Variants in RFX4 observed in about 807,000 individuals in gnomAD.
The protein encoded by RFX4 is regulatory factor X4, also known as transcription factor RFX4.
Under a neutral mutation model 95.0 loss-of-function variants are expected in RFX4, and 10 were observed. That is an observed-to-expected ratio of 0.11 (90% CI 0.06 to 0.18). RFX4 has a LOEUF of 0.18. Ranked by LOEUF, RFX4 falls within the 10% of genes least tolerant of loss-of-function variation. The pLI is 1.00. For synonymous variants in RFX4, 321 were observed against 340.7 expected (o/e 0.94, Z 0.64); for missense variants, 640 against 922.0 (o/e 0.69, Z 3.96).
chr12:106,626,808 T>C lies in RFX4; in HGVS notation c.131-12524T>C, dbSNP rs557853084. ...TCTTTCAGAGACAGAATAAGTCAAA[T>C]GTAACCAAGAGGTGCTCAAGTCCTC... On this transcript the variant is annotated intron_variant, in intron 2 of 17. Coordinates refer to ENST00000392842, the MANE Select transcript of RFX4 (RefSeq NM_213594.3). 5.5e-4 allele frequency among the ~76,000 whole-genome samples: 84 copies of C among 152,284 alleles called. 1 individual carries two copies. Among genetic ancestry groups the C allele is most frequent in the African/African-American group, 1.9e-3 (78 of 41,558 alleles).
At chr12:106,746,463 T>A (rs1379150661) in intron 15 of RFX4, among the ~76,000 whole-genome samples, 1 of 150,746 alleles carries the variant, frequency 6.6e-6, no homozygotes, top group East Asian at 1.9e-4. Context: ...GCCCGGGAGG[T>A]CAAGGCTGCA....
chr12:106,735,295 T>C (rs1199005019), intron 15 of RFX4, among the ~76,000 whole-genome samples: 1 of 152,080 alleles, frequency 6.6e-6, no homozygotes, highest in Non-Finnish European at 1.5e-5. Context: ...GAAAAAGGAC[T>C]GATAAACTCA....
At chr12:106,645,573 A>G (rs1265510367) in intron 3 of RFX4, among the ~76,000 whole-genome samples, 1 of 152,326 alleles carries the variant, frequency 6.6e-6, no homozygotes, top group East Asian at 1.9e-4. Flanking sequence ...CAAGCTATCA[A>G]TATTCCAAAT....
chr12:106,680,769 G>T (rs972720891), intron 4 of RFX4: 1 of 152,128 alleles, frequency 6.6e-6, no homozygotes, highest in Non-Finnish European at 1.5e-5. Context: ...GGTAATAATG[G>T]GTAACATTTA....
intron 3 of RFX4, among the ~76,000 whole-genome samples, chr12:106,644,181 G>A (rs1319969946): frequency 6.6e-6 from 1 of 150,786 alleles, no homozygotes; most frequent in African/African-American, 2.4e-5. Flanking sequence ...TTTAACTGCA[G>A]CTCAGTGTTT....
Position 106,583,379 on chromosome 12 carries a change from G to T in RFX4, c.43+16G>T. ...GATTCCACAGGTTAGTCCTACTGGC[G>T]GGGTTGGGGGGATACATTGGGAGGG... On this transcript the variant is annotated intron_variant, in intron 1 of 17. Coordinates refer to ENST00000392842, the MANE Select transcript of RFX4 (RefSeq NM_213594.3). 1 of 1,554,762 alleles carries T rather than the reference G, an allele frequency of 6.4e-7. No homozygotes were observed. Among genetic ancestry groups the T allele is most frequent in the Non-Finnish European group, 8.6e-7 (1 of 1,157,592 alleles).
At chr12:106,664,129 T>C (rs1173731119) in intron 4 of RFX4, among the ~76,000 whole-genome samples, 1 of 151,870 alleles carries the variant, frequency 6.6e-6, no homozygotes, top group African/African-American at 2.4e-5. Flanking sequence ...TTGTAAAGAA[T>C]TGACAAAATT....
At chr12:106,760,058 T>C (rs981662977) in intron 17 of RFX4, among the ~76,000 whole-genome samples, 3 of 152,148 alleles carry the variant, frequency 2.0e-5, no homozygotes, top group Non-Finnish European at 4.4e-5. Context: ...AGCCTGTCTG[T>C]CTCCCTCACA....
In RFX4 at chr12:106,687,073, G is replaced by T; in HGVS notation, c.567G>T (p.Leu189=). The T allele has an allele frequency of 6.2e-7, 1 of 1,613,724 alleles. No individual in the cohort carries two copies. Among genetic ancestry groups the T allele is most frequent in the Non-Finnish European group, 8.5e-7 (1 of 1,179,948 alleles). The change falls in exon 6 of 18, where the codon CTG becomes CTT. Residue 189 remains leucine, a synonymous_variant. Coordinates refer to ENST00000392842, the MANE Select transcript of RFX4 (RefSeq NM_213594.3). The part of the protein sequence containing the change: ...PEFPNVKDLN[L]PASLPEEKVS... ...TTCCCAATGTCAAAGATCTAAATCT[G>T]CCAGCCAGCCTGCCTGAGGAGAAGG...
chr12:106,678,547 T>C (rs1260382031), intron 4 of RFX4, among the ~76,000 whole-genome samples: 2 of 152,220 alleles, frequency 1.3e-5, no homozygotes, highest in Non-Finnish European at 2.9e-5. Flanking sequence ...CTTCCAAGAT[T>C]ATCTTGAACT....
intron 17 of RFX4, among the ~76,000 whole-genome samples, chr12:106,751,854 A>T (rs1469216174): frequency 1.3e-5 from 2 of 151,276 alleles, no homozygotes; most frequent in Non-Finnish European, 2.9e-5. Context: ...GTCAGATGAG[A>T]AGGTTGCGAA....
intron 1 of RFX4, among the ~76,000 whole-genome samples, chr12:106,601,623 T>C (rs1592837335): frequency 1.3e-5 from 2 of 152,352 alleles, no homozygotes; most frequent in South Asian, 2.1e-4. Context: ...CCTGTTCTCA[T>C]CCAGTGCCTC....
intron 2 of RFX4, among the ~76,000 whole-genome samples, chr12:106,612,543 A>G (rs183476437): frequency 1.3e-5 from 2 of 152,314 alleles, no homozygotes; most frequent in East Asian, 1.9e-4. Context: ...TTTTCTACAT[A>G]TAAGATCATT....
At chr12:106,595,085 C>T (rs538810169) in intron 1 of RFX4, among the ~76,000 whole-genome samples, 70 of 152,254 alleles carry the variant, frequency 4.6e-4, no homozygotes, top group African/African-American at 1.7e-3. Context: ...AGGCACTGTG[C>T]TGAACACTTA....
intron 1 of RFX4, among the ~76,000 whole-genome samples, chr12:106,592,376 C>T (rs1339255378): frequency 2.0e-5 from 3 of 151,868 alleles, no homozygotes; most frequent in Non-Finnish European, 4.4e-5. Context: ...TTTTATATGC[C>T]CCTGTTTGCC....
chr12:106,629,007 C>T (rs949826582), intron 2 of RFX4, among the ~76,000 whole-genome samples: 2 of 152,116 alleles, frequency 1.3e-5, no homozygotes, highest in African/African-American at 4.8e-5. Flanking sequence ...GATCCACTGG[C>T]CTTGGCCTCC....
chr12:106,638,877 C>A (rs1323842472), intron 2 of RFX4, among the ~76,000 whole-genome samples: 3 of 152,188 alleles, frequency 2.0e-5, no homozygotes, highest in Non-Finnish European at 4.4e-5. Flanking sequence ...CTGATCACTT[C>A]CTAAAGGCCC....
At position 106,644,496 on chromosome 12, in the gene RFX4, G is replaced by A. The variant is rs149649919; in HGVS notation, c.191+5104G>A. 3.0e-3 allele frequency among the ~76,000 whole-genome samples: 460 copies of A among 152,290 alleles called. 2 individuals are homozygous for A. Among genetic ancestry groups the A allele is most frequent in the Non-Finnish European group, 5.4e-3 (365 of 68,012 alleles). ...GATCCACCGGCCTCAGCCTCCCAAA[G>A]TGTTGGGATTACAGGCATGAGCCAC... On this transcript the variant is annotated intron_variant, in intron 3 of 17. Transcript: ENST00000392842.
chr12:106,752,598 G>A lies in RFX4; in HGVS notation c.1935+1805G>A, dbSNP rs150353378. On this transcript the variant is annotated intron_variant, in intron 17 of 17. Coordinates refer to ENST00000392842, the MANE Select transcript of RFX4 (RefSeq NM_213594.3). Reference sequence around the variant, plus strand: ...CTCTCCTGGTGCAGACCCTCATGGAGTCTTGTCAGGACTGGTCTCTCAACA... The same window carrying A: ...CTCTCCTGGTGCAGACCCTCATGGAATCTTGTCAGGACTGGTCTCTCAACA... 6.9e-4 allele frequency among the ~76,000 whole-genome samples: 105 copies of A among 152,240 alleles called. 2 individuals are homozygous for A. In the East Asian group the frequency reaches 0.02, roughly 29 times the overall value.
Sources: gnomAD v4.1 joint callset for allele counts (sites outside exome capture counted in the v4.1 genomes callset) on GRCh38, gnomAD v4.1.1 for gene constraint, MANE v1.5 for transcripts, NCBI Gene and HGNC (gene_info 2026-07-23, HGNC 2026-07-21) for gene names.